The following KDM2B variants were observed in gnomAD, a reference collection of about 807,000 sequenced individuals.
KDM2B encodes the protein lysine-specific demethylase 2B.
A neutral mutation model predicts 150.0 loss-of-function variants in KDM2B; 26 were observed. The ratio of observed to expected loss-of-function variants is 0.17; its 90% CI spans 0.13 to 0.24. KDM2B has a LOEUF of 0.24. Ranked by LOEUF, KDM2B falls within the 10% of genes least tolerant of loss-of-function variation. The pLI is 1.00. For synonymous variants in KDM2B, 734 were observed against 729.5 expected, an observed-to-expected ratio of 1.01 and a Z score of -0.10; for missense variants, 1,265 against 1,816.9, an observed-to-expected ratio of 0.70 and a Z score of 5.52.
intron 9 of KDM2B, chr12:121,516,614 AG>A: frequency 9.5e-7 from 1 of 1,049,510 alleles, no homozygotes; most frequent in Non-Finnish European, 1.3e-6. Context: ...CCAAAACAAA[AG>A]GCAAGGCAGT....
At position 121,480,583 on chromosome 12, in the gene KDM2B, CAAAAAAAAA is replaced by C. The variant is rs35490517; in HGVS notation, c.1734+13987_1734+13995del. 6.6e-3 allele frequency among the ~76,000 whole-genome samples: 417 copies of C among 63,288 alleles called. 3 individuals are homozygous for C. In the Middle Eastern group the frequency reaches 0.067, roughly 10 times the overall value. 41.5% of individuals were successfully genotyped at this position (63,288 alleles called of 152,430 possible). On this transcript the variant is annotated intron_variant, in intron 12 of 22. Coordinates refer to ENST00000377071, the MANE Select transcript of KDM2B (RefSeq NM_032590.5). ...CAACATAATGAGACCCTGTCGCTAC[CAAAAAAAAA>C]AAAAAAAAAAAAAAAGCCCCACAAA...
rs376621042 is a variant in KDM2B at position 121,543,898 on chromosome 12, G to A, written c.683+4979C>T. On this transcript the variant is annotated intron_variant, in intron 6 of 22. Transcript: ENST00000377071. ...GCACTTTGGGAGGCCAAGGTCGGTG[G>A]ACCACTTGAGTCCAGGAGGTCAAGA... 1.7e-4 allele frequency among the ~76,000 whole-genome samples: 26 copies of A among 151,946 alleles called. No individual in the cohort carries two copies. In the South Asian group the frequency reaches 4.8e-3, roughly 28 times the overall value.
chr12:121,525,517 C>T (rs1555306661), intron 8 of KDM2B, among the ~76,000 whole-genome samples: 1 of 152,170 alleles, frequency 6.6e-6, no homozygotes, highest in African/African-American at 2.4e-5. Context: ...GTGCTAAGTG[C>T]TGGGATTACA....
chr12:121,499,935 T>A (rs1331907731), intron 11 of KDM2B, among the ~76,000 whole-genome samples: 1 of 148,510 alleles, frequency 6.7e-6, no homozygotes, highest in Non-Finnish European at 1.5e-5. Context: ...GGTGACAGAA[T>A]GGGACTCTAA....
At chr12:121,497,230 T>A (rs1420673963) in intron 11 of KDM2B, among the ~76,000 whole-genome samples, 1 of 152,208 alleles carries the variant, frequency 6.6e-6, no homozygotes, top group Admixed American at 6.5e-5. Flanking sequence ...AGTGTCTTTA[T>A]TCACTGCTAT....
At chr12:121,519,503 T>C (rs1390566017) in intron 9 of KDM2B, among the ~76,000 whole-genome samples, 1 of 152,204 alleles carries the variant, frequency 6.6e-6, no homozygotes, top group Non-Finnish European at 1.5e-5. Context: ...CTGGAAATCA[T>C]TATGCTACAT....
intron 11 of KDM2B, among the ~76,000 whole-genome samples, chr12:121,502,760 C>CAAAAAA (rs3080029): frequency 1.1e-4 from 5 of 45,184 alleles, no homozygotes; most frequent in African/African-American, 3.1e-4. Context: ...CCATCTCTAC[C>CAAAAAA]AAAAAAAAAA....
chr12:121,579,523 G>C, intron 1 of KDM2B: 1 of 955,682 alleles, frequency 1.0e-6, no homozygotes, highest in Non-Finnish European at 1.5e-6. Flanking sequence ...AGTGCAAGAA[G>C]AGGAGGTGGG....
At chr12:121,534,467 C>T in intron 7 of KDM2B, 30 bp downstream of exon 7, 1 of 1,520,086 alleles carries the variant, frequency 6.6e-7, no homozygotes, top group Non-Finnish European at 9.1e-7. Flanking sequence ...GCTAGAGATG[C>T]ATAGAAAGTT....
rs1435005883 is a variant in KDM2B, at chr12:121,549,069, C to T, written c.577-86G>A. 2.9e-6 allele frequency: 3 copies of T among 1,042,720 alleles called. No individual in the cohort carries two copies. Among genetic ancestry groups the T allele is most frequent in the Non-Finnish European group, 4.4e-6 (3 of 685,400 alleles). 64.6% of individuals were successfully genotyped at this position (1,042,720 alleles called of 1,614,324 possible). The stretch of plus-strand genomic sequence containing the variant: ...CCTTTCCCCGGAGAGTCCTTGGGCC[C>T]CCCCGCTCCCCCAATCTACTGTGGG... On this transcript the variant is annotated intron_variant, in intron 5 of 22. Transcript: ENST00000377071. The surrounding 1 kb of genome is among the most constrained non-coding windows in gnomAD (Gnocchi z 4.4).
Position 121,521,178 on chromosome 12 carries a change from A to T in KDM2B, c.932-78T>A, listed in dbSNP as rs1365547794. 9.9e-7 allele frequency: 1 copy of T among 1,006,460 alleles called. No homozygotes were observed. The highest frequency in any genetic ancestry group is 1.6e-5 in the African/African-American group (1 of 62,696). The allele number at this position is 1,006,460 out of a possible 1,614,324, so 62.3% of individuals were successfully genotyped here. On this transcript the variant is annotated intron_variant, in intron 8 of 22. Coordinates refer to ENST00000377071, the MANE Select transcript of KDM2B (RefSeq NM_032590.5). This position sits in a 1 kb window ranked among gnomAD's most constrained non-coding sequence, Gnocchi z 4.9. ...ACACCTCACAAGGCTGCAGGGAGGG[A>T]GAGCGAGCGTGCAGGAGGGTGCAGG...
intron 12 of KDM2B, among the ~76,000 whole-genome samples, chr12:121,478,849 G>A (rs1005465389): frequency 1.7e-4 from 8 of 46,162 alleles, no homozygotes; most frequent in South Asian, 8.7e-4. Flanking sequence ...CACCACAACC[G>A]GCTAATTTTT....
chr12:121,439,742 G>A, intron 22 of KDM2B, 115 bp downstream of exon 22: 2 of 763,104 alleles, frequency 2.6e-6, no homozygotes, highest in Admixed American at 4.3e-5. Context: ...CAGTAAACGA[G>A]ACACCTAGCA....
In KDM2B at chr12:121,520,877, G is replaced by A. The variant is rs926840300; in HGVS notation, c.1047+108C>T. On this transcript the variant is annotated intron_variant, in intron 9 of 22. Transcript: ENST00000377071. The surrounding 1 kb of genome is among the most constrained non-coding windows in gnomAD (Gnocchi z 4.5). Reference sequence around the variant, plus strand: ...AGCCAGCTTGAGAGAGGAATCGGGAGGGAGAGGGGAACTGTGGAGGACTTC... The same window carrying A: ...AGCCAGCTTGAGAGAGGAATCGGGAAGGAGAGGGGAACTGTGGAGGACTTC... The A allele has an allele frequency of 1.2e-5, 9 of 737,612 alleles. No homozygotes were observed. The African/African-American group carries it at 1.4e-4, about 11-fold the overall frequency. 45.7% of individuals were successfully genotyped at this position (737,612 alleles called of 1,614,324 possible).
At position 121,443,746 on chromosome 12, in the gene KDM2B, C is replaced by T. The variant is rs376052116; in HGVS notation, c.2499G>A (p.Pro833=). The T allele has an allele frequency of 1.4e-4, 232 of 1,610,590 alleles. No homozygotes were observed. Among genetic ancestry groups the T allele is most frequent in the Non-Finnish European group, 1.8e-4 (210 of 1,179,426 alleles). ...TSPGSSSHLS[P]RPPLGSSLSP... is the part of the protein sequence containing the mutation. ...TGAGGCTGCTGCCTAGAGGGGGCCT[C>T]GGCGAGAGGTGAGAGGAGGAACCGG... Residue 833 remains proline, a synonymous_variant, in exon 17 of 23, where the codon CCG becomes CCA. Coordinates refer to ENST00000377071, the MANE Select transcript of KDM2B (RefSeq NM_032590.5).
rs375978226 is a variant in KDM2B at position 121,509,069 on chromosome 12, G to GT, written c.1647+497dup. Reference sequence around the variant, plus strand: ...AAAGGGGGTCCTCTACAGCTCTTTTGTTTTTTTGAGACAGAGTCTTGCTCT... The same window carrying GT: ...AAAGGGGGTCCTCTACAGCTCTTTTGTTTTTTTTGAGACAGAGTCTTGCTCT... On this transcript the variant is annotated intron_variant, in intron 11 of 22. Coordinates refer to ENST00000377071, the MANE Select transcript of KDM2B (RefSeq NM_032590.5). Among the ~76,000 whole-genome samples the GT allele has an allele frequency of 4.8e-4, 73 of 151,964 alleles. No homozygotes were observed. The East Asian group carries it at 5.0e-3, about 10-fold the overall frequency.
In KDM2B at chr12:121,549,594, C is replaced by T; in HGVS notation, c.442G>A (p.Gly148Ser). 1 of 1,609,850 alleles carries T rather than the reference C, an allele frequency of 6.2e-7. No individual in the cohort carries two copies. Reference sequence around the variant, plus strand: ...AACTGGGACATGCTCATCTCCGTGCCCTTCTGGGTGTTCACATCCATCACG... The same window carrying T: ...AACTGGGACATGCTCATCTCCGTGCTCTTCTGGGTGTTCACATCCATCACG... ...VDVMDVNTQK[G>S]TEMSMSQFVR... Residue 148 changes from glycine (G) to serine (S), a missense_variant, in exon 5 of 23, where the codon GGC (glycine) becomes AGC (serine). Gly to Ser is a moderately conservative substitution (Grantham distance 56). Around this residue, in one of 11 missense-constraint regions of KDM2B, gnomAD observed 214 missense variants for 447.4 expected, o/e 0.48. Transcript: ENST00000377071. This position sits in a 1 kb window ranked among gnomAD's most constrained non-coding sequence, Gnocchi z 4.4.
chr12:121,410,321 G>A, the KDM2B span, among the ~76,000 whole-genome samples: 2 of 152,144 alleles, frequency 1.3e-5, no homozygotes, highest in Non-Finnish European at 2.9e-5. Context: ...GGCGGATTAC[G>A]AGGTCAGGAG....
chr12:121,496,642 G>A (rs947068572), intron 11 of KDM2B, among the ~76,000 whole-genome samples: 42 of 152,068 alleles, frequency 2.8e-4, no homozygotes, highest in Admixed American at 4.6e-4. Context: ...CTACAAGTGC[G>A]TAACACCAAG....
Sources: gnomAD v4.1 joint callset for allele counts (sites outside exome capture counted in the v4.1 genomes callset) on GRCh38, gnomAD v4.1.1 for gene constraint, gnomAD v4.1.1 regional missense constraint, Gnocchi (gnomAD v3.1) non-coding constraint, MANE v1.5 for transcripts, NCBI Gene and HGNC (gene_info 2026-07-23, HGNC 2026-07-21) for gene names.